ABCB11: variants seen among roughly 807,000 people sequenced by gnomAD.
The protein encoded by ABCB11 is ATP binding cassette subfamily B member 11, also known as bile salt export pump.
In ABCB11, 95 loss-of-function variants were observed where a neutral mutation model predicts 148.0. The observed-to-expected ratio is 0.64, with a 90% confidence interval of 0.54 to 0.76. The LOEUF (loss-of-function observed/expected upper bound fraction) is 0.76. Ranked by LOEUF, ABCB11 falls within the 30% of genes least tolerant of loss-of-function variation. The pLI, the probability that ABCB11 is intolerant of heterozygous loss-of-function variation, is 0.00. For missense variants in ABCB11, 1,523 were observed against 1,617.8 expected (o/e 0.94, Z 1.01); for synonymous variants, 591 against 555.4 (o/e 1.06, Z -0.90).
At chr2:168,966,845 CT>C (rs1305444838) in intron 17 of ABCB11, among the ~76,000 whole-genome samples, 8 of 151,844 alleles carry the variant, frequency 5.3e-5, no homozygotes, top group African/African-American at 1.9e-4. Context: ...AGGTTAATAG[CT>C]ACTTTCTGTG....
Position 168,979,866 on chromosome 2 carries a change from C to T in ABCB11, c.1197G>A (p.Arg399=). 1.3e-6 allele frequency: 2 copies of T among 1,587,848 alleles called. No individual in the cohort carries two copies. The part of the protein sequence containing the change: ...AATSIFETID[R]KPIIDCMSED... Reference sequence around the variant, plus strand: ...GCCTTTACTTTTGGCTTATACATACCCTGTCTATTGTCTCAAAAATGCTGG... The same window carrying T: ...GCCTTTACTTTTGGCTTATACATACTCTGTCTATTGTCTCAAAAATGCTGG... The change falls in exon 11 of 28, where the codon AGG becomes AGA. Residue 399 remains arginine, a splice_region_variant and synonymous_variant. Transcript: ENST00000650372.
At chr2:168,942,307 C>CTGTG (rs1370976322) in intron 21 of ABCB11, among the ~76,000 whole-genome samples, 1 of 151,692 alleles carries the variant, frequency 6.6e-6, no homozygotes, top group African/African-American at 2.4e-5. Flanking sequence ...AGCAATCCTA[C>CTGTG]TGTGTATGTA....
rs766286901 is a variant in ABCB11 at position 168,935,397 on chromosome 2, C to T, written c.2843G>A (p.Arg948His). 10 of 1,613,596 alleles carry T rather than the reference C, an allele frequency of 6.2e-6. No individual in the cohort carries two copies. The highest frequency in any genetic ancestry group is 4.4e-5 in the South Asian group (4 of 91,058). ...CTCCTTTCCAATTCCAGCAACAGTG[C>T]GGATGTTACTGAGGGCTTCATTTGT... ...QITNEALSNI[R>H]TVAGIGKERR... is the part of the protein sequence containing the mutation. Residue 948 changes from arginine (R) to histidine (H), a missense_variant, in exon 23 of 28, where the codon CGC becomes CAC. By Grantham distance (29) the Arg-to-His change is conservative (BLOSUM62 0). Transcript: ENST00000650372.
intron 19 of ABCB11, among the ~76,000 whole-genome samples, chr2:168,950,272 C>G (rs1367120394): frequency 1.3e-5 from 2 of 151,262 alleles, no homozygotes; most frequent in Non-Finnish European, 3.0e-5. Flanking sequence ...TTCTGTCCCT[C>G]TAGAGAACGC....
intron 27 of ABCB11, 113 bp from the exon 28 acceptor site, chr2:168,923,935 C>G: frequency 1.1e-6 from 1 of 948,930 alleles, no homozygotes; most frequent in Non-Finnish European, 1.6e-6. Flanking sequence ...TGACGGCAAA[C>G]CCAAAGGCTC....
At chr2:168,942,971 G>C (rs901946128) in intron 21 of ABCB11, among the ~76,000 whole-genome samples, 1 of 151,772 alleles carries the variant, frequency 6.6e-6, no homozygotes, top group African/African-American at 2.4e-5. Context: ...AGAAAACAAA[G>C]CCAAATCTAC....
In ABCB11 at chr2:168,986,285, C is replaced by T. The variant is rs1199924561; in HGVS notation, c.909-1G>A. ...GGCGAACACAAGATTTTTCTCATAC[C>T]TGTGAAGACAAAATGCTTGAGTCAA... On this transcript the variant is annotated splice_acceptor_variant, in intron 9 of 27. Coordinates refer to ENST00000650372, the MANE Select transcript of ABCB11 (RefSeq NM_003742.4). LOFTEE classifies it high-confidence loss of function. 3.1e-6 allele frequency: 5 copies of T among 1,611,682 alleles called. No homozygotes were observed. The highest frequency in any genetic ancestry group is 1.7e-6 in the Non-Finnish European group (2 of 1,179,254).
At position 168,922,302 on chromosome 2, in the gene ABCB11, T is replaced by C. The variant is rs1359798095; in HGVS notation, c.*1320A>G. Among the ~76,000 whole-genome samples the C allele has an allele frequency of 6.6e-6, 1 of 152,202 alleles. No individual in the cohort carries two copies. The highest frequency in any genetic ancestry group is 1.5e-5 in the Non-Finnish European group (1 of 68,028). ...TAGCTGCCCCTTCAACTTCATCTTG[T>C]GTCTCTAAGTGCAAACCTCCCTGTG... On this transcript the variant is annotated 3_prime_UTR_variant, in exon 28 of 28. Coordinates refer to ENST00000650372, the MANE Select transcript of ABCB11 (RefSeq NM_003742.4).
rs772842592 is a variant in ABCB11 at position 168,971,921 on chromosome 2, C to T, written c.1564G>A (p.Asp522Asn). The T allele has an allele frequency of 2.5e-6, 4 of 1,612,960 alleles. No homozygotes were observed. Among genetic ancestry groups the T allele is most frequent in the Non-Finnish European group, 3.4e-6 (4 of 1,179,418 alleles). ...TGGACTATGTCTTCCATTGTTGCAT[C>T]TTCTCTGCCATAGCGAATATTTTCT... ...IAENIRYGREDATMEDIVQAA... is the reference protein window; with the variant it reads ...IAENIRYGRENATMEDIVQAA... Residue 522 changes from aspartate (D) to asparagine (N), a missense_variant, in exon 14 of 28, where the codon GAT becomes AAT. By Grantham distance (23) the Asp-to-Asn change is conservative (BLOSUM62 1). Coordinates refer to ENST00000650372, the MANE Select transcript of ABCB11 (RefSeq NM_003742.4).
At chr2:168,923,892 C>A in intron 27 of ABCB11, 70 bp from the exon 28 acceptor site, 2 of 1,439,712 alleles carry the variant, frequency 1.4e-6, no homozygotes, top group South Asian at 1.2e-5. Context: ...CATGAGAGTT[C>A]AGTTAACACG....
Position 168,972,062 on chromosome 2 carries a change from G to A in ABCB11, c.1435-12C>T. The A allele has an allele frequency of 6.2e-7, 1 of 1,609,206 alleles. No homozygotes were observed. Among genetic ancestry groups the A allele is most frequent in the East Asian group, 2.2e-5 (1 of 44,612 alleles). Reference sequence around the variant, plus strand: ...CCATCCACGGTCACCTAGAGAGCATGGGCACAACATCACAACTTTTGGAAT... The same window carrying A: ...CCATCCACGGTCACCTAGAGAGCATAGGCACAACATCACAACTTTTGGAAT... On this transcript the variant is annotated splice_polypyrimidine_tract_variant and intron_variant, in intron 13 of 27. Transcript: ENST00000650372.
chr2:168,978,730 G>A (rs1469610679), intron 11 of ABCB11, among the ~76,000 whole-genome samples: 1 of 151,598 alleles, frequency 6.6e-6, no homozygotes, highest in African/African-American at 2.4e-5. Context: ...CTGTTTGTTT[G>A]TTTTTTGAGA....
chr2:168,958,951 T>C (rs1238175488), intron 18 of ABCB11, among the ~76,000 whole-genome samples: 2 of 151,844 alleles, frequency 1.3e-5, no homozygotes, highest in Middle Eastern at 3.4e-3. Context: ...TAGATTTGTA[T>C]TGATTTTTAA....
intron 9 of ABCB11, among the ~76,000 whole-genome samples, chr2:168,990,037 T>C (rs999462922): frequency 2.0e-5 from 3 of 152,172 alleles, no homozygotes; most frequent in Non-Finnish European, 2.9e-5. Context: ...CATTTTCACG[T>C]CCATGTTTAT....
chr2:169,014,661 C>G (rs1271815093), intron 3 of ABCB11, among the ~76,000 whole-genome samples: 1 of 152,166 alleles, frequency 6.6e-6, no homozygotes, highest in Admixed American at 6.6e-5. Flanking sequence ...TCTTTGCCCT[C>G]AGTCATGACC....
In ABCB11 at chr2:169,007,615, G is replaced by T. The variant is rs187135045; in HGVS notation, c.389+5657C>A. ...GTGTAATGTTCACGACCTTGGATTT[G>T]GCAATAGTTTCTTAGATATGACACC... On this transcript the variant is annotated intron_variant, in intron 5 of 27. Coordinates refer to ENST00000650372, the MANE Select transcript of ABCB11 (RefSeq NM_003742.4). 6.6e-5 allele frequency among the ~76,000 whole-genome samples: 10 copies of T among 152,278 alleles called. No homozygotes were observed. The East Asian group carries it at 1.9e-3, about 29-fold the overall frequency.
At chr2:168,971,259 G>A (rs762964384) in intron 14 of ABCB11, among the ~76,000 whole-genome samples, 4 of 152,006 alleles carry the variant, frequency 2.6e-5, no homozygotes, top group Non-Finnish European at 4.4e-5. Context: ...TTAGAACAGT[G>A]CCTGGTATGT....
At chr2:168,933,108 C>CAAA (rs61264551) in intron 23 of ABCB11, among the ~76,000 whole-genome samples, 3 of 112,214 alleles carry the variant, frequency 2.7e-5, no homozygotes, top group Admixed American at 1.8e-4. Flanking sequence ...GACTCCGTCT[C>CAAA]AAAAAAAAAA....
In ABCB11 at chr2:168,930,856, A is replaced by G; in HGVS notation, c.3220T>C (p.Phe1074Leu). ...TCAACAAAATCAATCTTCCCCTGGAAGTTGTCCTGTGGATGGGAGGATCAA... is the reference window on the plus strand; with the variant it reads ...TCAACAAAATCAATCTTCCCCTGGAGGTTGTCCTGTGGATGGGAGGATCAA... ...YNTAGEKWDN[F>L]QGKIDFVDCK... The change falls in exon 25 of 28, where the codon TTC (phenylalanine) becomes CTC (leucine). Residue 1074 changes from phenylalanine (F) to leucine (L), a missense_variant. By Grantham distance (22) the Phe-to-Leu change is conservative. Transcript: ENST00000650372. 1 of 1,596,340 alleles carries G rather than the reference A, an allele frequency of 6.3e-7. No individual in the cohort carries two copies. Among genetic ancestry groups the G allele is most frequent in the Non-Finnish European group, 8.5e-7 (1 of 1,171,638 alleles).
Sources: gnomAD v4.1 joint callset for allele counts (sites outside exome capture counted in the v4.1 genomes callset) on GRCh38, gnomAD v4.1.1 for gene constraint, MANE v1.5 for transcripts, NCBI Gene and HGNC (gene_info 2026-07-23, HGNC 2026-07-21) for gene names.